SCN8A: variants seen among roughly 807,000 people sequenced by gnomAD.
SCN8A encodes the protein sodium voltage-gated channel alpha subunit 8.
Under a neutral mutation model 184.1 loss-of-function variants are expected in SCN8A, and 30 were observed. The observed-to-expected ratio is 0.16, with a 90% CI of 0.12 to 0.22. SCN8A has a LOEUF of 0.22. SCN8A is among the 10% of genes least tolerant of loss of function. The pLI is 1.00. For synonymous variants in SCN8A, 852 were observed against 907.0 expected (o/e 0.94, Z 1.09); for missense variants, 1,057 against 2,498.9 (o/e 0.42, Z 12.30).
chr12:51,773,374 A>G (rs1181536545), intron 19 of SCN8A, among the ~76,000 whole-genome samples: 1 of 152,222 alleles, frequency 6.6e-6, no homozygotes, highest in Non-Finnish European at 1.5e-5. Context: ...GGATTATCCC[A>G]TTCATGAATG....
intron 6 of SCN8A, among the ~76,000 whole-genome samples, chr12:51,691,190 T>C (rs1235628392): frequency 6.6e-6 from 1 of 152,206 alleles, no homozygotes; most frequent in Non-Finnish European, 1.5e-5. Context: ...CAGCGTACTC[T>C]GCAAGGCATC....
intron 2 of SCN8A, among the ~76,000 whole-genome samples, chr12:51,664,812 C>T (rs1485157083): frequency 6.6e-6 from 1 of 152,080 alleles, no homozygotes; most frequent in Non-Finnish European, 1.5e-5. Context: ...ATTTGCTGCA[C>T]AGATCATCCC....
chr12:51,780,565 C>CTTTTCTTTTTTTTTTTTTTTTTTTTTTTT (rs1937873541), intron 20 of SCN8A, 84 bp from the exon 21 acceptor site: 1 of 293,008 alleles, frequency 3.4e-6, no homozygotes, highest in African/African-American at 1.3e-4. Context: ...TGTTTTCTTT[C>CTTTTCTTTTTTTTTTTTTTTTTTTTTTTT]TTTTTTTTTT....
intron 11 of SCN8A, 65 bp from the exon 12 acceptor site, chr12:51,721,481 G>T: frequency 6.7e-7 from 1 of 1,496,010 alleles, no homozygotes. Context: ...ACTTTGCTCA[G>T]TATAAAGGTC....
intron 18 of SCN8A, 58 bp downstream of exon 18, chr12:51,770,043 T>G (rs888502171): frequency 8.2e-7 from 1 of 1,222,152 alleles, no homozygotes; most frequent in African/African-American, 1.5e-5. Context: ...ACAGACACAG[T>G]TGTGCCAGGG....
chr12:51,724,310 G>C (rs1942121821), intron 12 of SCN8A, among the ~76,000 whole-genome samples: 1 of 152,154 alleles, frequency 6.6e-6, no homozygotes, highest in Non-Finnish European at 1.5e-5. Context: ...AGCCAGGCAT[G>C]GTGGTATGCG....
intron 2 of SCN8A, among the ~76,000 whole-genome samples, chr12:51,678,005 C>T (rs1013385366): frequency 2.0e-5 from 3 of 152,204 alleles, no homozygotes; most frequent in Admixed American, 1.3e-4. Flanking sequence ...GTCCTTTCCA[C>T]TATATCTAGG....
At chr12:51,738,980 G>A (rs1942373861) in intron 12 of SCN8A, among the ~76,000 whole-genome samples, 1 of 152,118 alleles carries the variant, frequency 6.6e-6, no homozygotes, top group Non-Finnish European at 1.5e-5. Flanking sequence ...ATGGGGCCCG[G>A]GACAGGCCCC....
At chr12:51,697,157 G>A (rs545827169) in intron 6 of SCN8A, among the ~76,000 whole-genome samples, 2 of 152,216 alleles carry the variant, frequency 1.3e-5, no homozygotes, top group South Asian at 4.2e-4. Context: ...CCTGTGAGGA[G>A]AAAAATAATC....
Position 51,741,904 on chromosome 12 carries a change from A to G in SCN8A, c.1999-3999A>G, listed in dbSNP as rs918305121. On this transcript the variant is annotated intron_variant, in intron 12 of 26. Transcript: ENST00000627620. Reference sequence around the variant, plus strand: ...TTTTTAGTAGAGACGGGCTTTCTCCATGTTGGTCAGACTGGTCTCAAACTT... The same window carrying G: ...TTTTTAGTAGAGACGGGCTTTCTCCGTGTTGGTCAGACTGGTCTCAAACTT... Among the ~76,000 whole-genome samples, 16 of 152,090 alleles carry G rather than the reference A, an allele frequency of 1.1e-4. No individual in the cohort carries two copies. In the East Asian group the frequency reaches 2.7e-3, roughly 26 times the overall value.
At chr12:51,645,175 C>T (rs1438226404) in intron 1 of SCN8A, among the ~76,000 whole-genome samples, 8 of 150,548 alleles carry the variant, frequency 5.3e-5, no homozygotes, top group South Asian at 2.1e-4. Flanking sequence ...CCCCTCTGCC[C>T]GGCCAGCCGC....
chr12:51,677,814 G>A (rs1941250419), intron 2 of SCN8A, among the ~76,000 whole-genome samples: 1 of 152,176 alleles, frequency 6.6e-6, no homozygotes, highest in African/African-American at 2.4e-5. Context: ...CACATTCAGT[G>A]GCTGTTGTTG....
intron 1 of SCN8A, among the ~76,000 whole-genome samples, chr12:51,634,856 G>C (rs1349679324): frequency 1.3e-5 from 2 of 151,242 alleles, no homozygotes; most frequent in Non-Finnish European, 3.0e-5. Flanking sequence ...CACCATGTTG[G>C]CCAGGCTGAT....
At position 51,786,102 on chromosome 12, in the gene SCN8A, A is replaced by G. The variant is rs139513070; in HGVS notation, c.3943-440A>G. On this transcript the variant is annotated intron_variant, in intron 21 of 26. Coordinates refer to ENST00000627620, the MANE Select transcript of SCN8A (RefSeq NM_001330260.2). ...GTTAACTGGCTCTCTATTAACCACAACGGGTAGTTCTCTGTGATTTTGAAC... is the reference window on the plus strand; with the variant it reads ...GTTAACTGGCTCTCTATTAACCACAGCGGGTAGTTCTCTGTGATTTTGAAC... Among the ~76,000 whole-genome samples the G allele has an allele frequency of 4.1e-4, 62 of 152,298 alleles. 1 individual carries two copies. In the East Asian group the frequency reaches 0.01, roughly 25 times the overall value.
intron 14 of SCN8A, among the ~76,000 whole-genome samples, chr12:51,760,751 T>A (rs1942750716): frequency 6.6e-6 from 1 of 152,204 alleles, no homozygotes; most frequent in African/African-American, 2.4e-5. Context: ...TTTACTTAAC[T>A]GGATCTCTTT....
chr12:51,716,930 A>G (rs1014857934), intron 11 of SCN8A, among the ~76,000 whole-genome samples: 4 of 152,162 alleles, frequency 2.6e-5, no homozygotes, highest in African/African-American at 9.7e-5. Context: ...AAATCACCCC[A>G]TAGCCAGATA....
chr12:51,762,970 A>G (rs1162105251), intron 15 of SCN8A, among the ~76,000 whole-genome samples: 2 of 152,160 alleles, frequency 1.3e-5, no homozygotes, highest in African/African-American at 4.8e-5. Flanking sequence ...ACCCAAGACA[A>G]TAGATGAAGA....
At chr12:51,743,788 G>A (rs577058360) in intron 12 of SCN8A, among the ~76,000 whole-genome samples, 9 of 152,178 alleles carry the variant, frequency 5.9e-5, no homozygotes, top group Non-Finnish European at 1.0e-4. Flanking sequence ...GTCCCAGGTG[G>A]GTACAGACAT....
chr12:51,684,048 A>G, intron 2 of SCN8A, 126 bp from the exon 3 acceptor site: 1 of 692,652 alleles, frequency 1.4e-6, no homozygotes, highest in East Asian at 2.7e-5. Context: ...TTGTTTAAAA[A>G]CCAAGTTGGG....
Sources: allele counts gnomAD v4.1 joint callset (sites outside exome capture counted in the v4.1 genomes callset), GRCh38; gene constraint gnomAD v4.1.1; transcripts MANE v1.5; gene names NCBI Gene and HGNC (gene_info 2026-07-23, HGNC 2026-07-21).